Variants in SFSWAP observed in about 807,000 individuals in gnomAD.
SFSWAP encodes splicing factor SWAP, also known as splicing factor, suppressor of white-apricot homolog.
SFSWAP carries 17 observed loss-of-function variants against 100.7 expected under a neutral mutation model. The ratio of observed to expected loss-of-function variants is 0.17; its 90% CI spans 0.12 to 0.25. The LOEUF is 0.25. Ranked by LOEUF, SFSWAP falls within the 10% of genes least tolerant of loss-of-function variation. The pLI is 1.00. For synonymous variants in SFSWAP, 504 were observed against 510.1 expected (o/e 0.99, Z 0.16); for missense variants, 1,005 against 1,262.6 (o/e 0.80, Z 3.09).
intron 15 of SFSWAP, among the ~76,000 whole-genome samples, chr12:131,792,041 G>A (rs1053159172): frequency 6.6e-6 from 1 of 150,634 alleles, no homozygotes; most frequent in African/African-American, 2.5e-5. Context: ...TGTGTTCACG[G>A]ATCAGTACTG....
At chr12:131,749,939 G>A (rs1391040654) in intron 7 of SFSWAP, among the ~76,000 whole-genome samples, 1 of 152,224 alleles carries the variant, frequency 6.6e-6, no homozygotes, top group Non-Finnish European at 1.5e-5. Flanking sequence ...TCCCGAAAGA[G>A]GTGGCACTGG....
In SFSWAP at chr12:131,711,131, G is replaced by C. The variant is rs1232075970; in HGVS notation, c.-99G>C. The C allele has an allele frequency of 1.0e-6, 1 of 992,822 alleles. No individual in the cohort carries two copies. The highest frequency in any genetic ancestry group is 1.4e-6 in the Non-Finnish European group (1 of 693,688). 61.5% of individuals were successfully genotyped at this position (992,822 alleles called of 1,614,324 possible). A position where few individuals can be genotyped will look rare whatever the true frequency, so the allele number is the denominator to read the frequency against. ...TGGCGGCGGTGTTGAGGTTGGGTAC[G>C]GGATGCGGGGTCTTTGACTGAAGGG... On this transcript the variant is annotated 5_prime_UTR_variant, in exon 1 of 18. Transcript: ENST00000261674. The surrounding 1 kb of genome is among the most constrained non-coding windows in gnomAD (Gnocchi z 4.9).
At chr12:131,776,313 C>T (rs1415187859) in intron 13 of SFSWAP, among the ~76,000 whole-genome samples, 1 of 152,140 alleles carries the variant, frequency 6.6e-6, no homozygotes, top group African/African-American at 2.4e-5. Context: ...TTCATCCCTG[C>T]CCTCTTGCCC....
rs954333391 is a variant in SFSWAP at position 131,783,052 on chromosome 12, G to A, written c.2409-3411G>A. 2.0e-5 allele frequency among the ~76,000 whole-genome samples: 3 copies of A among 151,964 alleles called. No individual in the cohort carries two copies. In the East Asian group the frequency reaches 5.8e-4, roughly 29 times the overall value. On this transcript the variant is annotated intron_variant, in intron 14 of 17. Coordinates refer to ENST00000261674, the MANE Select transcript of SFSWAP (RefSeq NM_004592.4). ...AAAAATCAGCCAGGCGTGTTGGTGT[G>A]CGCCTATAATCCCAGCTACTCGGGA... is the stretch of plus-strand genomic sequence containing the variant.
At chr12:131,777,565 C>T (rs1390873148) in intron 13 of SFSWAP, among the ~76,000 whole-genome samples, 1 of 152,132 alleles carries the variant, frequency 6.6e-6, no homozygotes, top group Non-Finnish European at 1.5e-5. Flanking sequence ...TGCGTTGGTT[C>T]GAAATCTTTG....
At position 131,730,494 on chromosome 12, in the gene SFSWAP, C is replaced by T. The variant is rs561269881; in HGVS notation, c.1081+2066C>T. ...GCAGGACCAGGCAGGATGGTGGAGC[C>T]GGCTGGTAGTGGCCGTTCTGTGACA... On this transcript the variant is annotated intron_variant, in intron 7 of 17. Transcript: ENST00000261674. This position sits in a 1 kb window ranked among gnomAD's most constrained non-coding sequence, Gnocchi z 4.0. 2.5e-3 allele frequency among the ~76,000 whole-genome samples: 377 copies of T among 152,302 alleles called. 4 individuals carry two copies. The highest frequency in any genetic ancestry group is 8.6e-3 in the African/African-American group (359 of 41,556).
intron 7 of SFSWAP, among the ~76,000 whole-genome samples, chr12:131,743,731 C>T (rs1315097828): frequency 1.3e-5 from 2 of 152,266 alleles, no homozygotes; most frequent in African/African-American, 2.4e-5. Flanking sequence ...AGTAGGGACT[C>T]TCTGTGGGGG....
chr12:131,763,644 C>T (rs912444949), intron 11 of SFSWAP, among the ~76,000 whole-genome samples: 2 of 152,096 alleles, frequency 1.3e-5, no homozygotes, highest in African/African-American at 4.8e-5. Flanking sequence ...AACATAATGC[C>T]TGTCACAAAG....
intron 13 of SFSWAP, 118 bp from the exon 14 acceptor site, chr12:131,777,947 T>C (rs1259422730): frequency 6.8e-7 from 1 of 1,480,966 alleles, no homozygotes; most frequent in African/African-American, 1.4e-5. Context: ...GAGGAGACTT[T>C]CTAAGAGATG....
intron 16 of SFSWAP, among the ~76,000 whole-genome samples, chr12:131,798,616 G>A (rs146858472): frequency 6.6e-5 from 10 of 152,350 alleles, no homozygotes; most frequent in East Asian, 1.9e-4. Flanking sequence ...AGGGGTGGGC[G>A]CGGCGGCTCA....
At chr12:131,752,146 A>G (rs747705862) in intron 7 of SFSWAP, among the ~76,000 whole-genome samples, 1 of 152,226 alleles carries the variant, frequency 6.6e-6, no homozygotes, top group African/African-American at 2.4e-5. Context: ...CATAGCATAC[A>G]TTACTGGAAA....
At chr12:131,752,788 C>A (rs34625392) in intron 7 of SFSWAP, among the ~76,000 whole-genome samples, 3,247 of 152,258 alleles carry the variant, frequency 0.021, 57 homozygotes, top group Non-Finnish European at 0.036. Context: ...GACTGGTTGC[C>A]GCTAGAGAGG....
chr12:131,771,729 A>G (rs763808317), intron 13 of SFSWAP, among the ~76,000 whole-genome samples: 11 of 140,672 alleles, frequency 7.8e-5, no homozygotes, highest in South Asian at 2.2e-4. Flanking sequence ...TCTCGGCTCA[A>G]TTGGCTCACT....
intron 14 of SFSWAP, among the ~76,000 whole-genome samples, chr12:131,781,489 G>A (rs9645835): frequency 0.094 from 14,263 of 151,544 alleles, 940 homozygotes; most frequent in South Asian, 0.22. Flanking sequence ...CACCCGCCTC[G>A]GCCTCCCAAA....
chr12:131,734,399 G>A lies in SFSWAP; in HGVS notation c.1081+5971G>A, dbSNP rs1025565336. Among the ~76,000 whole-genome samples the A allele has an allele frequency of 6.6e-6, 1 of 152,220 alleles. No homozygotes were observed. Among genetic ancestry groups the A allele is most frequent in the South Asian group, 2.1e-4 (1 of 4,830 alleles). On this transcript the variant is annotated intron_variant, in intron 7 of 17. Transcript: ENST00000261674. The surrounding 1 kb of genome is among the most constrained non-coding windows in gnomAD (Gnocchi z 4.9). ...GAATGTGCAGGAGAAATGAGAAGAG[G>A]ACTTAAGATCAAAAAGAGAGTGACT...
chr12:131,797,746 G>A (rs781403913), intron 16 of SFSWAP, among the ~76,000 whole-genome samples: 7 of 152,210 alleles, frequency 4.6e-5, no homozygotes, highest in Non-Finnish European at 8.8e-5. Flanking sequence ...AGGCTGCAAC[G>A]GCCAGGGCCA....
chr12:131,761,599 G>A (rs1018191465), intron 11 of SFSWAP, among the ~76,000 whole-genome samples: 2 of 152,232 alleles, frequency 1.3e-5, no homozygotes, highest in African/African-American at 4.8e-5. Flanking sequence ...TCAGGGACGT[G>A]GCAGCCTTGG....
intron 14 of SFSWAP, chr12:131,783,792 T>TTTTATATA (rs1312028614): frequency 1.2e-5 from 1 of 86,684 alleles, no homozygotes; most frequent in Non-Finnish European, 2.4e-5. Context: ...AAAAAACATT[T>TTTTATATA]TATATATATA....
At chr12:131,754,303 A>G (rs1226578084) in intron 8 of SFSWAP, 65 bp from the exon 9 acceptor site, 1 of 1,359,422 alleles carries the variant, frequency 7.4e-7, no homozygotes, top group Non-Finnish European at 9.7e-7. Flanking sequence ...AGGACCCCCG[A>G]GCAGCCAGGA....
Sources: gnomAD v4.1 joint callset for allele counts (sites outside exome capture counted in the v4.1 genomes callset) on GRCh38, gnomAD v4.1.1 for gene constraint, Gnocchi (gnomAD v3.1) non-coding constraint, MANE v1.5 for transcripts, NCBI Gene and HGNC (gene_info 2026-07-23, HGNC 2026-07-21) for gene names.